Variants in APOA1 observed in about 807,000 individuals in gnomAD.
APOA1 encodes apolipoprotein A-I.
A neutral mutation model predicts 25.9 loss-of-function variants in APOA1; 22 were observed. The observed-to-expected ratio is 0.85, with a 90% CI of 0.61 to 1.21. APOA1 has a LOEUF of 1.21. APOA1 is among the 50% of genes most tolerant of loss of function. The pLI is 0.00. For synonymous variants in APOA1, 163 were observed against 152.2 expected (o/e 1.07, Z -0.52); for missense variants, 351 against 347.9 (o/e 1.01, Z -0.07).
In APOA1 at chr11:116,836,094, C is replaced by A; in HGVS notation, c.518G>T (p.Arg173Leu). 1 of 1,608,180 alleles carries A rather than the reference C, an allele frequency of 6.2e-7. No homozygotes were observed. Residue 173 changes from arginine (R) to leucine (L), a missense_variant, in exon 4 of 4, where the codon CGC becomes CTC. Coordinates refer to ENST00000236850, the MANE Select transcript of APOA1 (RefSeq NM_000039.3). ...GTCCACATGGGCGCGCGCGCGGTCGCGCATCTCCTCGCCCAGTGGGCTCAG... is the reference window on the plus strand; with the variant it reads ...GTCCACATGGGCGCGCGCGCGGTCGAGCATCTCCTCGCCCAGTGGGCTCAG... ...EKLSPLGEEM[R>L]DRARAHVDAL...
At chr11:116,837,281 G>T in intron 2 of APOA1, 64 bp downstream of exon 2, 1 of 1,590,672 alleles carries the variant, frequency 6.3e-7, no homozygotes, top group Non-Finnish European at 8.6e-7. Context: ...CCAGGAGGGT[G>T]GGCCACGGGG....
Position 116,837,591 on chromosome 11 carries a change from G to T in APOA1, c.-21+14C>A, listed in dbSNP as rs1008789862. ...TGGGGAGCCAGAGTGACCGGGGCAGGCAGCAGGACGCACCTCCTTCTCGCA... is the reference window on the plus strand; with the variant it reads ...TGGGGAGCCAGAGTGACCGGGGCAGTCAGCAGGACGCACCTCCTTCTCGCA... On this transcript the variant is annotated intron_variant, in intron 1 of 3. Coordinates refer to ENST00000236850, the MANE Select transcript of APOA1 (RefSeq NM_000039.3). 3 of 627,618 alleles carry T rather than the reference G, an allele frequency of 4.8e-6. No homozygotes were observed. In the South Asian group the frequency reaches 5.8e-5, roughly 12 times the overall value. The allele number at this position is 627,618 out of a possible 1,614,324, so 38.9% of individuals were successfully genotyped here. A position where few individuals can be genotyped will look rare whatever the true frequency, so the allele number is the denominator to read the frequency against.
rs12718464 is a variant in APOA1 at position 116,836,685 on chromosome 11, G to A, written c.201-274C>T. 0.047 allele frequency among the ~76,000 whole-genome samples: 7,181 copies of A among 152,320 alleles called. 244 individuals carry two copies. Among genetic ancestry groups the A allele is most frequent in the Middle Eastern group, 0.13 (37 of 294 alleles). ...AGGACCTCGCTTCTATGCCTCCAGC[G>A]CATTCTCCTCTCCGAAGACAGCCCA... On this transcript the variant is annotated intron_variant, in intron 3 of 3. Transcript: ENST00000236850.
At position 116,835,760 on chromosome 11, in the gene APOA1, T is replaced by C; in HGVS notation, c.*48A>G. Reference sequence around the variant, plus strand: ...AAAAGAAAGAAGCTGCTTCCCACTTTGGAAACGTTTATTCTGAGCACCGGG... The same window carrying C: ...AAAAGAAAGAAGCTGCTTCCCACTTCGGAAACGTTTATTCTGAGCACCGGG... On this transcript the variant is annotated 3_prime_UTR_variant, in exon 4 of 4. Transcript: ENST00000236850. 1 of 1,611,968 alleles carries C rather than the reference T, an allele frequency of 6.2e-7. No individual in the cohort carries two copies. Among genetic ancestry groups the C allele is most frequent in the Non-Finnish European group, 8.5e-7 (1 of 1,179,586 alleles).
At position 116,836,002 on chromosome 11, in the gene APOA1, C is replaced by T; in HGVS notation, c.610G>A (p.Ala204Thr). 3 of 1,608,360 alleles carry T rather than the reference C, an allele frequency of 1.9e-6. No homozygotes were observed. Among genetic ancestry groups the T allele is most frequent in the Non-Finnish European group, 1.7e-6 (2 of 1,179,780 alleles). The change falls in exon 4 of 4, where the codon GCT (alanine) becomes ACT (threonine). Residue 204 changes from alanine to threonine, a missense_variant. Coordinates refer to ENST00000236850, the MANE Select transcript of APOA1 (RefSeq NM_000039.3). ...CTGGCGCCGCCGTTCTCCTTGAGAG[C>T]CTCAAGGCGCGCGGCCAAGCGCTGG... ...LRQRLAARLE[A>T]LKENGGARLA...
Position 116,837,600 on chromosome 11 carries a change from C to T in APOA1, c.-21+5G>A, listed in dbSNP as rs1181274772. 4 of 619,636 alleles carry T rather than the reference C, an allele frequency of 6.5e-6. No individual in the cohort carries two copies. Among genetic ancestry groups the T allele is most frequent in the East Asian group, 2.7e-5 (1 of 36,500 alleles). 38.4% of individuals were successfully genotyped at this position (619,636 alleles called of 1,614,324 possible). ...AGAGTGACCGGGGCAGGCAGCAGGA[C>T]GCACCTCCTTCTCGCAGTCTCTAAG... is the stretch of plus-strand genomic sequence containing the variant. On this transcript the variant is annotated splice_donor_5th_base_variant and intron_variant, in intron 1 of 3. Transcript: ENST00000236850.
Position 116,836,076 on chromosome 11 carries a change from TG to T in APOA1, c.535del (p.His179MetfsTer46). ...CAGATGCGTGCGCAGCGCGTCCACA[TG>T]GGCGCGCGCGCGGTCGCGCATCTCC... ...GEEMRDRARA[H>X]VDALRTHLAP... On this transcript the variant is annotated frameshift_variant, in exon 4 of 4. Transcript: ENST00000236850. LOFTEE classifies it high-confidence loss of function. 2 of 1,606,138 alleles carry T rather than the reference TG, an allele frequency of 1.2e-6. No individual in the cohort carries two copies. Among genetic ancestry groups the T allele is most frequent in the Non-Finnish European group, 8.5e-7 (1 of 1,178,360 alleles).
At chr11:116,837,316 G>A in intron 2 of APOA1, 29 bp downstream of exon 2, 1 of 1,578,778 alleles carries the variant, frequency 6.3e-7, no homozygotes, top group Non-Finnish European at 8.6e-7. Flanking sequence ...CCCCCCGATG[G>A]TTGGCTCCCT....
At position 116,837,409 on chromosome 11, in the gene APOA1, T is replaced by C. The variant is rs1941583436; in HGVS notation, c.-20-2A>G. On this transcript the variant is annotated splice_acceptor_variant, in intron 1 of 3. Transcript: ENST00000236850. LOFTEE classifies it low-confidence loss of function (5UTR_SPLICE). ...TCATCCTGAAGGGCCGTGGGGGACC[T>C]GGAGGAGAAGAAGGGCCTGGCTGAG... The C allele has an allele frequency of 6.4e-7, 1 of 1,554,594 alleles. No individual in the cohort carries two copies. Among genetic ancestry groups the C allele is most frequent in the Non-Finnish European group, 8.7e-7 (1 of 1,148,590 alleles).
intron 2 of APOA1, 88 bp from the exon 3 acceptor site, chr11:116,837,245 G>A (rs1053396748): frequency 6.3e-7 from 1 of 1,579,206 alleles, no homozygotes; most frequent in Non-Finnish European, 8.7e-7. Context: ...GGGAGAGGGG[G>A]CCAGTGAGAA....
chr11:116,836,057 C>G lies in APOA1; in HGVS notation c.555G>C (p.Thr185=), dbSNP rs143182884. ...RARAHVDALR[T]HLAPYSDELR... The stretch of plus-strand genomic sequence containing the variant: ...GCTCGTCGCTGTAGGGGGCCAGATG[C>G]GTGCGCAGCGCGTCCACATGGGCGC... The change falls in exon 4 of 4, where the codon ACG becomes ACC. Residue 185 remains threonine (T), a synonymous_variant. Coordinates refer to ENST00000236850, the MANE Select transcript of APOA1 (RefSeq NM_000039.3). 3.7e-5 allele frequency: 60 copies of G among 1,605,018 alleles called. No individual in the cohort carries two copies. In the African/African-American group the frequency reaches 8.0e-4, roughly 21 times the overall value.
In APOA1 at chr11:116,835,852, G is replaced by A; in HGVS notation, c.760C>T (p.Leu254=). 1 of 1,613,176 alleles carries A rather than the reference G, an allele frequency of 6.2e-7. No homozygotes were observed. The highest frequency in any genetic ancestry group is 1.1e-5 in the South Asian group (1 of 91,092). The part of the protein sequence containing the change: ...PVLESFKVSF[L]SALEEYTKKL... Reference sequence around the variant, plus strand: ...TTAGTGTACTCCTCGAGAGCGCTCAGGAAGCTGACCTTGAAGCTCTCCAGC... The same window carrying A: ...TTAGTGTACTCCTCGAGAGCGCTCAAGAAGCTGACCTTGAAGCTCTCCAGC... The change falls in exon 4 of 4, where the codon CTG becomes TTG. Residue 254 remains leucine (L), a synonymous_variant. Transcript: ENST00000236850.
Position 116,836,230 on chromosome 11 carries a change from AG to A in APOA1, c.381del (p.Phe128SerfsTer38). The part of the protein sequence containing the change: ...VKAKVQPYLD[D>X]FQKKWQEEME... Reference sequence around the variant, plus strand: ...ATCTCCTCCTGCCACTTCTTCTGGAAGTCGTCCAGGTAGGGCTGCACCTTGG... The same window carrying A: ...ATCTCCTCCTGCCACTTCTTCTGGAATCGTCCAGGTAGGGCTGCACCTTGG... On this transcript the variant is annotated frameshift_variant, in exon 4 of 4. Transcript: ENST00000236850. LOFTEE classifies it high-confidence loss of function. 6.2e-7 allele frequency: 1 copy of A among 1,614,140 alleles called. No individual in the cohort carries two copies. The highest frequency in any genetic ancestry group is 8.5e-7 in the Non-Finnish European group (1 of 1,180,022).
At position 116,836,419 on chromosome 11, in the gene APOA1, G is replaced by A. The variant is rs1448770464; in HGVS notation, c.201-8C>T. 2 of 1,613,406 alleles carry A rather than the reference G, an allele frequency of 1.2e-6. No homozygotes were observed. The highest frequency in any genetic ancestry group is 2.7e-5 in the African/African-American group (2 of 74,950). ...TTGTCAAGGAGCTTTAGGCTGGAGG[G>A]TGAGACAGAAGGGTTGAGGGCTGGC... is the stretch of plus-strand genomic sequence containing the variant. On this transcript the variant is annotated splice_region_variant and splice_polypyrimidine_tract_variant and intron_variant, in intron 3 of 3. Coordinates refer to ENST00000236850, the MANE Select transcript of APOA1 (RefSeq NM_000039.3).
In APOA1 at chr11:116,836,003, C is replaced by G; in HGVS notation, c.609G>C (p.Glu203Asp). ...TGGCGCCGCCGTTCTCCTTGAGAGC[C>G]TCAAGGCGCGCGGCCAAGCGCTGGC... ...ELRQRLAARLEALKENGGARL... is the reference protein window; with the variant it reads ...ELRQRLAARLDALKENGGARL... The change falls in exon 4 of 4, where the codon GAG becomes GAC. Residue 203 changes from glutamate (E) to aspartate (D), a missense_variant. Physicochemically the swap from Glu to Asp is conservative, Grantham distance 45. Coordinates refer to ENST00000236850, the MANE Select transcript of APOA1 (RefSeq NM_000039.3). 6.2e-7 allele frequency: 1 copy of G among 1,608,394 alleles called. No individual in the cohort carries two copies. The highest frequency in any genetic ancestry group is 1.1e-5 in the South Asian group (1 of 91,058).
chr11:116,837,048 T>C lies in APOA1; in HGVS notation c.153A>G (p.Arg51=), dbSNP rs758106382. 3 of 1,614,196 alleles carry C rather than the reference T, an allele frequency of 1.9e-6. No individual in the cohort carries two copies. The highest frequency in any genetic ancestry group is 2.2e-5 in the South Asian group (2 of 91,092). Residue 51 remains arginine (R), a synonymous_variant, in exon 3 of 4, where the codon AGA becomes AGG. Coordinates refer to ENST00000236850, the MANE Select transcript of APOA1 (RefSeq NM_000039.3). ...VYVDVLKDSG[R]DYVSQFEGSA... The stretch of plus-strand genomic sequence containing the variant: ...AGCCTTCAAACTGGGACACATAGTC[T>C]CTGCCGCTGTCTTTGAGCACATCCA...
In APOA1 at chr11:116,836,215, GCCA is replaced by G; in HGVS notation, c.394_396del (p.Trp132del). On this transcript the variant is annotated inframe_deletion, in exon 4 of 4. Coordinates refer to ENST00000236850, the MANE Select transcript of APOA1 (RefSeq NM_000039.3). ...TGGCGGTAGAGCTCCATCTCCTCCTGCCACTTCTTCTGGAAGTCGTCCAGGTAG... is the reference window on the plus strand; with the variant it reads ...TGGCGGTAGAGCTCCATCTCCTCCTGCTTCTTCTGGAAGTCGTCCAGGTAG... 6.2e-7 allele frequency: 1 copy of G among 1,614,056 alleles called. No individual in the cohort carries two copies. The highest frequency in any genetic ancestry group is 8.5e-7 in the Non-Finnish European group (1 of 1,180,030).
intron 2 of APOA1, 25 bp downstream of exon 2, chr11:116,837,320 G>A (rs1177897357): frequency 6.3e-7 from 1 of 1,576,542 alleles, no homozygotes; most frequent in Admixed American, 1.9e-5. Flanking sequence ...CCGATGGTTG[G>A]CTCCCTAGGT....
Position 116,837,585 on chromosome 11 carries a change from G to A in APOA1, c.-21+20C>T. 1 of 648,492 alleles carries A rather than the reference G, an allele frequency of 1.5e-6. No homozygotes were observed. 40.2% of individuals were successfully genotyped at this position (648,492 alleles called of 1,614,324 possible). On this transcript the variant is annotated intron_variant, in intron 1 of 3. Transcript: ENST00000236850. The stretch of plus-strand genomic sequence containing the variant: ...TTGAGCTGGGGAGCCAGAGTGACCG[G>A]GGCAGGCAGCAGGACGCACCTCCTT...
Sources: allele counts gnomAD v4.1 joint callset (sites outside exome capture counted in the v4.1 genomes callset), GRCh38; gene constraint gnomAD v4.1.1; transcripts MANE v1.5; gene names NCBI Gene and HGNC (gene_info 2026-07-23, HGNC 2026-07-21).